Variants in OR6K3 observed in about 807,000 individuals in gnomAD.
The protein encoded by OR6K3 is olfactory receptor family 6 subfamily K member 3.
For synonymous variants in OR6K3, 169 were observed against 137.7 expected, an observed-to-expected ratio of 1.23 and a Z score of -1.59; for missense variants, 396 against 382.5, an observed-to-expected ratio of 1.04 and a Z score of -0.29.
chr1:158,718,022 G>T lies in OR6K3; in HGVS notation c.94C>A (p.Leu32Ile). 6.2e-7 allele frequency: 1 copy of T among 1,612,790 alleles called. No homozygotes were observed. The highest frequency in any genetic ancestry group is 8.5e-7 in the Non-Finnish European group (1 of 1,179,082). ...ATGATAATAAAAGTATAGATGAAAAGTAAAGGAAAGAAGTACAGGAGACTA... is the reference window on the plus strand; with the variant it reads ...ATGATAATAAAAGTATAGATGAAAATTAAAGGAAAGAAGTACAGGAGACTA... ...DGSLLYFFPL[L>I]FIYTFIIIDN... The change falls in exon 2 of 2, where the codon CTT becomes ATT. Residue 32 changes from leucine to isoleucine, a missense_variant. By Grantham distance (5) the Leu-to-Ile change is conservative (BLOSUM62 2). Coordinates refer to ENST00000368145, the MANE Select transcript of OR6K3 (RefSeq NM_001005327.3).
In OR6K3 at chr1:158,717,207, C is replaced by T. The variant is rs927290143; in HGVS notation, c.909G>A (p.Leu303=). 25 of 1,612,964 alleles carry T rather than the reference C, an allele frequency of 1.5e-5. No individual in the cohort carries two copies. Among genetic ancestry groups the T allele is most frequent in the Non-Finnish European group, 2.0e-5 (23 of 1,179,406 alleles). ...NKDMNNAIKK[L]FCLQKVLNKP... ...TGTTCAACACTTTTTGAAGACAGAA[C>T]AGTTTTTTAATCGCATTGTTCATGT... Residue 303 remains leucine (L), a synonymous_variant, in exon 2 of 2, where the codon CTG becomes CTA. Coordinates refer to ENST00000368145, the MANE Select transcript of OR6K3 (RefSeq NM_001005327.3).
Position 158,717,322 on chromosome 1 carries a change from T to A in OR6K3, c.794A>T (p.Tyr265Phe), listed in dbSNP as rs145822992. The change falls in exon 2 of 2, where the codon TAT becomes TTT. Residue 265 changes from tyrosine (Y) to phenylalanine (F), a missense_variant. Physicochemically the swap from Tyr to Phe is conservative, Grantham distance 22 (BLOSUM62 3). Coordinates refer to ENST00000368145, the MANE Select transcript of OR6K3 (RefSeq NM_001005327.3). ...AATGGCTGTGTCCAAAACTGGTGGA[T>A]AAGTGTCGCTGAAACGCAAGTACAT... ...SLMYLRFSDT[Y>F]PPVLDTAIAL... 157 of 1,613,630 alleles carry A rather than the reference T, an allele frequency of 9.7e-5. No homozygotes were observed. The highest frequency in any genetic ancestry group is 1.1e-4 in the Non-Finnish European group (132 of 1,179,786).
intron 1 of OR6K3, among the ~76,000 whole-genome samples, chr1:158,719,358 A>C (rs1656240457): frequency 1.3e-5 from 2 of 151,996 alleles, no homozygotes; most frequent in Admixed American, 1.3e-4. Context: ...ATCCGCTTAC[A>C]GGATTTAAAC....
In OR6K3 at chr1:158,717,250, T is replaced by C. The variant is rs748877001; in HGVS notation, c.866A>G (p.Tyr289Cys). The part of the protein sequence containing the change: ...VLAPFFNPII[Y>C]SLRNKDMNNA... ...GTTCATGTCCTTGTTTCTCAGGCTA[T>C]AAATGATGGGATTGAAGAATGGAGC... Residue 289 changes from tyrosine to cysteine, a missense_variant, in exon 2 of 2, where the codon TAT (tyrosine) becomes TGT (cysteine). By Grantham distance (194) the Tyr-to-Cys change is radical (BLOSUM62 -2). Transcript: ENST00000368145. 1.2e-6 allele frequency: 2 copies of C among 1,613,710 alleles called. No individual in the cohort carries two copies. The highest frequency in any genetic ancestry group is 1.7e-6 in the Non-Finnish European group (2 of 1,179,730).
In OR6K3 at chr1:158,717,502, GTCACAGC is replaced by G. The variant is rs745768952; in HGVS notation, c.607_613del (p.Ala203ProfsTer7). Reference sequence around the variant, plus strand: ...AATGATTAGGAAGGTAATGATGATGGTCACAGCATGAATCACATCCTCAATCAGAATC... The same window carrying G: ...AATGATTAGGAAGGTAATGATGATGGATGAATCACATCCTCAATCAGAATC... On this transcript the variant is annotated frameshift_variant, in exon 2 of 2. Coordinates refer to ENST00000368145, the MANE Select transcript of OR6K3 (RefSeq NM_001005327.3). LOFTEE classifies it low-confidence loss of function (END_TRUNC). The G allele has an allele frequency of 1.1e-5, 17 of 1,613,686 alleles. No homozygotes were observed. The African/African-American group carries it at 1.7e-4, about 16-fold the overall frequency.
In OR6K3 at chr1:158,717,091, C is replaced by T. The variant is rs1302642946; in HGVS notation, c.*77G>A. On this transcript the variant is annotated 3_prime_UTR_variant, in exon 2 of 2. Coordinates refer to ENST00000368145, the MANE Select transcript of OR6K3 (RefSeq NM_001005327.3). ...CAAGATCATGCCATTGCACTCCAGC[C>T]CAGGCAACAAGAGTGAAACTCCATC... 61 of 1,016,192 alleles carry T rather than the reference C, an allele frequency of 6.0e-5. No homozygotes were observed. The South Asian group carries it at 8.9e-4, about 15-fold the overall frequency. 62.9% of individuals were successfully genotyped at this position (1,016,192 alleles called of 1,614,324 possible).
chr1:158,722,959 G>A (rs1303035638), upstream of OR6K3, among the ~76,000 whole-genome samples: 1 of 151,882 alleles, frequency 6.6e-6, no homozygotes, highest in Non-Finnish European at 1.5e-5. Flanking sequence ...TAAACTTATA[G>A]ATATTTTAAT....
At chr1:158,718,571 C>A (rs967576448) in intron 1 of OR6K3, among the ~76,000 whole-genome samples, 1 of 151,558 alleles carries the variant, frequency 6.6e-6, no homozygotes, top group Non-Finnish European at 1.5e-5. Flanking sequence ...CATAATAACA[C>A]AAAATTATAT....
intron 1 of OR6K3, among the ~76,000 whole-genome samples, chr1:158,719,316 C>T (rs1349719008): frequency 6.6e-6 from 1 of 151,984 alleles, no homozygotes; most frequent in Non-Finnish European, 1.5e-5. Context: ...ACTTCAACCT[C>T]TTATAGTTTT....
At chr1:158,724,169 T>G (rs575006039), upstream of OR6K3, 1 of 153,130 alleles carries the variant, frequency 6.5e-6, no homozygotes, top group Non-Finnish European at 1.5e-5. Flanking sequence ...TTAATTGCAA[T>G]CTTCATGTCC....
Position 158,716,570 on chromosome 1 carries a change from C to T in OR6K3, c.*598G>A, listed in dbSNP as rs1390233486. ...ACATTGTCAGCTTCTGAAGCTCAAG[C>T]TCTGTAGTTCTAACCCTCTAAAGTG... On this transcript the variant is annotated 3_prime_UTR_variant, in exon 2 of 2. Transcript: ENST00000368145. 2 of 152,212 alleles carry T rather than the reference C, an allele frequency of 1.3e-5. No homozygotes were observed. Among genetic ancestry groups the T allele is most frequent in the African/African-American group, 4.8e-5 (2 of 41,446 alleles). 9.4% of individuals were successfully genotyped at this position (152,212 alleles called of 1,614,324 possible). A position where few individuals can be genotyped will look rare whatever the true frequency, so the allele number is the denominator to read the frequency against.
chr1:158,717,348 G>A lies in OR6K3; in HGVS notation c.768C>T (p.Leu256=). The stretch of plus-strand genomic sequence containing the variant: ...AAGTGTCGCTGAAACGCAAGTACAT[G>A]AGTGATACACTGCCAAAGAATATCG... The part of the protein sequence containing the change: ...VFPIFFGSVS[L]MYLRFSDTYP... The change falls in exon 2 of 2, where the codon CTC becomes CTT. Residue 256 remains leucine, a synonymous_variant. Coordinates refer to ENST00000368145, the MANE Select transcript of OR6K3 (RefSeq NM_001005327.3). 1 of 1,613,760 alleles carries A rather than the reference G, an allele frequency of 6.2e-7. No individual in the cohort carries two copies. Among genetic ancestry groups the A allele is most frequent in the Non-Finnish European group, 8.5e-7 (1 of 1,179,788 alleles).
chr1:158,724,651 G>T, upstream of OR6K3: 1 of 230,002 alleles, frequency 4.3e-6, no homozygotes, highest in Non-Finnish European at 9.6e-6. Flanking sequence ...GAGCCCGGGG[G>T]TCATGATGGT....
chr1:158,717,421 C>T lies in OR6K3; in HGVS notation c.695G>A (p.Gly232Glu). 6.2e-7 allele frequency: 1 copy of T among 1,613,680 alleles called. No individual in the cohort carries two copies. Among genetic ancestry groups the T allele is most frequent in the Non-Finnish European group, 8.5e-7 (1 of 1,179,776 alleles). The change falls in exon 2 of 2, where the codon GGG becomes GAG. Residue 232 changes from glycine (G) to glutamate (E), a missense_variant. Coordinates refer to ENST00000368145, the MANE Select transcript of OR6K3 (RefSeq NM_001005327.3). ...ACAGGTAGAAAAAGCCTTTTGCCTC[C>T]CTTCAGAAGAGGGAATCCTCAATAT... ...TVILRIPSSE[G>E]RQKAFSTCAG... is the part of the protein sequence containing the mutation.
At chr1:158,721,254 G>A (rs897859160), upstream of OR6K3, among the ~76,000 whole-genome samples, 1 of 151,916 alleles carries the variant, frequency 6.6e-6, no homozygotes, top group Non-Finnish European at 1.5e-5. Context: ...TTCTCATGTC[G>A]TGAGTGTGTA....
At chr1:158,720,324 A>G (rs912911057) in intron 1 of OR6K3, among the ~76,000 whole-genome samples, 1 of 151,972 alleles carries the variant, frequency 6.6e-6, no homozygotes, top group Non-Finnish European at 1.5e-5. Context: ...GAACTCAGCC[A>G]CTTGGTACAA....
upstream of OR6K3, chr1:158,724,916 C>T (rs1656355601): frequency 4.9e-6 from 1 of 204,204 alleles, no homozygotes; most frequent in Admixed American, 4.6e-5. Flanking sequence ...TCCACCCTGA[C>T]TGCAAAAAAT....
rs375268069 is a variant in OR6K3 at position 158,717,155 on chromosome 1, C to T, written c.*13G>A. On this transcript the variant is annotated 3_prime_UTR_variant, in exon 2 of 2. Coordinates refer to ENST00000368145, the MANE Select transcript of OR6K3 (RefSeq NM_001005327.3). ...CAAAACAAAAGCAACGGAAGGGAAC[C>T]TGTGGCTCTGTATTAACCTCCAGGC... 1 of 1,553,126 alleles carries T rather than the reference C, an allele frequency of 6.4e-7. No homozygotes were observed. The highest frequency in any genetic ancestry group is 1.4e-5 in the African/African-American group (1 of 72,826).
At chr1:158,719,546 C>T (rs1656243711) in intron 1 of OR6K3, among the ~76,000 whole-genome samples, 1 of 151,976 alleles carries the variant, frequency 6.6e-6, no homozygotes, top group African/African-American at 2.4e-5. Context: ...GTTTGTGCTA[C>T]TTCCTCTGAC....
Sources: gnomAD v4.1 joint callset for allele counts (sites outside exome capture counted in the v4.1 genomes callset) on GRCh38, gnomAD v4.1.1 for gene constraint, MANE v1.5 for transcripts, NCBI Gene and HGNC (gene_info 2026-07-23, HGNC 2026-07-21) for gene names.